MTFR1: variants seen among roughly 807,000 people sequenced by gnomAD.
The protein encoded by MTFR1 is chondrocyte protein with a poly-proline region.
A neutral mutation model predicts 38.8 loss-of-function variants in MTFR1; 28 were observed. That is an observed-to-expected ratio of 0.72 (90% CI 0.53 to 0.99). MTFR1 has a LOEUF of 0.99. Ranked by LOEUF, MTFR1 falls within the 50% of genes least tolerant of loss-of-function variation. MTFR1 has a pLI of 0.00. For missense variants in MTFR1, 358 were observed against 395.5 expected (o/e 0.91, Z 0.81); for synonymous variants, 145 against 137.0 (o/e 1.06, Z -0.41).
intron 3 of MTFR1, among the ~76,000 whole-genome samples, chr8:65,683,559 A>G (rs1804972833): frequency 6.6e-6 from 1 of 152,240 alleles, no homozygotes; most frequent in South Asian, 2.1e-4. Flanking sequence ...TTCAACAGAT[A>G]TCTCTGCCAC....
rs564161222 is a variant in MTFR1 at position 65,734,884 on chromosome 8, T to C, written c.*48+15403T>C. On this transcript the variant is annotated intron_variant, in intron 3 of 3. Coordinates refer to the MTFR1 transcript ENST00000521247. Reference sequence around the variant, plus strand: ...AAGGATTTTGACTGTGGTAATCTTCTTGAATCATAACTGCATCAAAGAAAG... The same window carrying C: ...AAGGATTTTGACTGTGGTAATCTTCCTGAATCATAACTGCATCAAAGAAAG... 14 of 1,604,868 alleles carry C rather than the reference T, an allele frequency of 8.7e-6. 1 individual carries two copies. The Admixed American group carries it at 1.5e-4, about 17-fold the overall frequency.
chr8:65,677,105 G>A lies in MTFR1; in HGVS notation c.67-5248G>A, dbSNP rs189475684. On this transcript the variant is annotated intron_variant, in intron 2 of 7. Transcript: ENST00000262146. ...TTTTTTTTTTTTGAGACAGAGTCTC[G>A]CTCTGTCACCCAGGATGGAGTGCAG... is the stretch of plus-strand genomic sequence containing the variant. Among the ~76,000 whole-genome samples the A allele has an allele frequency of 7.6e-4, 90 of 117,840 alleles. No homozygotes were observed. In the East Asian group the frequency reaches 0.02, roughly 26 times the overall value. 77.3% of individuals were successfully genotyped at this position (117,840 alleles called of 152,430 possible). A position where few individuals can be genotyped will look rare whatever the true frequency, so the allele number is the denominator to read the frequency against.
intron 2 of MTFR1, chr8:65,717,764 A>G (rs1179717622): frequency 6.6e-6 from 1 of 152,238 alleles, no homozygotes; most frequent in Non-Finnish European, 1.5e-5. Context: ...CCTTTTACAA[A>G]TGGCTTTACA....
chr8:65,706,086 T>C (rs562872376), intron 5 of MTFR1, among the ~76,000 whole-genome samples: 18 of 152,316 alleles, frequency 1.2e-4, no homozygotes, highest in African/African-American at 2.2e-4. Context: ...GGAAACCTCA[T>C]TTGACCTGGG....
intron 3 of MTFR1, chr8:65,726,987 G>T: frequency 7.4e-7 from 1 of 1,351,196 alleles, no homozygotes; most frequent in Non-Finnish European, 1.1e-6. Flanking sequence ...GGACGTTTCT[G>T]AGTTACTTAA....
At chr8:65,659,456 C>T (rs76879784) in intron 1 of MTFR1, among the ~76,000 whole-genome samples, 2,638 of 148,336 alleles carry the variant, frequency 0.018, 23 homozygotes, top group African/African-American at 0.024. Flanking sequence ...ATCCCTGACA[C>T]GTAGTCTTTG....
At chr8:65,647,210 C>T (rs543345930) in intron 1 of MTFR1, among the ~76,000 whole-genome samples, 3 of 152,220 alleles carry the variant, frequency 2.0e-5, no homozygotes, top group Admixed American at 6.5e-5. Flanking sequence ...AGGAAATAGA[C>T]GTGGGGAACT....
At chr8:65,751,117 T>C (rs1276659602) in intron 3 of MTFR1, among the ~76,000 whole-genome samples, 2 of 152,330 alleles carry the variant, frequency 1.3e-5, no homozygotes, top group African/African-American at 2.4e-5. Context: ...AAAAGTGTTT[T>C]CTTCACCTAC....
chr8:65,689,000 C>G (rs1298344077), intron 3 of MTFR1, among the ~76,000 whole-genome samples: 1 of 151,850 alleles, frequency 6.6e-6, no homozygotes, highest in African/African-American at 2.4e-5. Flanking sequence ...CAAAAATTAG[C>G]CAGGCATGGT....
At chr8:65,717,771 TAC>T (rs1806199178) in intron 2 of MTFR1, 1 of 152,236 alleles carries the variant, frequency 6.6e-6, no homozygotes, top group Non-Finnish European at 1.5e-5. Context: ...CAAATGGCTT[TAC>T]ACTCAAGCTT....
At chr8:65,732,143 C>T (rs1474418027) in intron 3 of MTFR1, among the ~76,000 whole-genome samples, 2 of 151,958 alleles carry the variant, frequency 1.3e-5, no homozygotes, top group Non-Finnish European at 2.9e-5. Flanking sequence ...GGATTACAGG[C>T]ACCCGCCACC....
chr8:65,714,388 G>T (rs149934433), downstream of MTFR1: 1 of 152,096 alleles, frequency 6.6e-6, no homozygotes, highest in East Asian at 1.9e-4. Context: ...GCCCTATGGT[G>T]AGCACAGGAA....
intron 3 of MTFR1, among the ~76,000 whole-genome samples, chr8:65,740,734 A>G (rs534247064): frequency 5.3e-5 from 8 of 152,026 alleles, no homozygotes; most frequent in Non-Finnish European, 1.0e-4. Context: ...CAATCCATCC[A>G]CACCTCCTCA....
intron 3 of MTFR1, chr8:65,747,806 G>A: frequency 1.3e-6 from 2 of 1,591,352 alleles, no homozygotes; most frequent in East Asian, 2.3e-5. Context: ...AGATTGAGCT[G>A]AAATAAAAAG....
At chr8:65,739,279 T>C (rs1366400642) in intron 3 of MTFR1, among the ~76,000 whole-genome samples, 2 of 152,202 alleles carry the variant, frequency 1.3e-5, no homozygotes, top group African/African-American at 4.8e-5. Context: ...AGCCCACCTG[T>C]TGCTGTCTGC....
intron 3 of MTFR1, among the ~76,000 whole-genome samples, chr8:65,750,765 AC>A (rs1807911995): frequency 1.3e-5 from 2 of 152,118 alleles, no homozygotes; most frequent in African/African-American, 4.8e-5. Flanking sequence ...GCAACTTCTG[AC>A]AAGTCATAAC....
chr8:65,686,548 C>G (rs1220784522), intron 3 of MTFR1, among the ~76,000 whole-genome samples: 1 of 149,384 alleles, frequency 6.7e-6, no homozygotes, highest in Non-Finnish European at 1.5e-5. Context: ...CTACTGCACT[C>G]CAGCCTGGGC....
chr8:65,656,035 TA>T (rs1282914972), intron 1 of MTFR1, among the ~76,000 whole-genome samples: 14 of 117,842 alleles, frequency 1.2e-4, no homozygotes, highest in African/African-American at 1.7e-4. Context: ...CAAGGACATT[TA>T]AAAAAAAATT....
At chr8:65,677,167 G>A (rs1255180848) in intron 2 of MTFR1, among the ~76,000 whole-genome samples, 1 of 147,190 alleles carries the variant, frequency 6.8e-6, no homozygotes, top group Non-Finnish European at 1.5e-5. Context: ...CCACCTCCCG[G>A]TTCAAGCAAT....
Sources: allele counts gnomAD v4.1 joint callset (sites outside exome capture counted in the v4.1 genomes callset), GRCh38; gene constraint gnomAD v4.1.1; transcripts MANE v1.5; gene names NCBI Gene and HGNC (gene_info 2026-07-23, HGNC 2026-07-21).